CCDC47: variants seen among roughly 807,000 people sequenced by gnomAD.
CCDC47 encodes coiled-coil domain containing 47.
A neutral mutation model predicts 60.5 loss-of-function variants in CCDC47; 41 were observed. That is an observed-to-expected ratio of 0.68 (90% CI 0.53 to 0.88). CCDC47 has a LOEUF of 0.88. Among genes scored for constraint, CCDC47 ranks in the 40% least tolerant of loss-of-function variants. CCDC47 has a pLI of 0.00. For synonymous variants in CCDC47, 195 were observed against 190.7 expected (o/e 1.02, Z -0.18); for missense variants, 513 against 580.9 (o/e 0.88, Z 1.20).
rs1208003388 is a variant in CCDC47 at position 63,764,969 on chromosome 17, T to C, written c.265-122A>G. 2.8e-6 allele frequency: 4 copies of C among 1,448,602 alleles called. No individual in the cohort carries two copies. In the African/African-American group the frequency reaches 4.3e-5, roughly 16 times the overall value. The allele number at this position is 1,448,602 out of a possible 1,614,324, so 89.7% of individuals were successfully genotyped here. ...GTAAGCAGCAAGCACAGAAAACAGA[T>C]GTTACATGTTTTTAACAAAACGATT... On this transcript the variant is annotated intron_variant, in intron 2 of 12. Transcript: ENST00000225726.
chr17:63,771,613 A>G (rs62077509), intron 1 of CCDC47, among the ~76,000 whole-genome samples: 48,880 of 151,904 alleles, frequency 0.32, 8,587 homozygotes, highest in South Asian at 0.58. Flanking sequence ...TGGAATGTAT[A>G]TTTTCCACTT....
chr17:63,772,466 G>A (rs1340406827), intron 1 of CCDC47, among the ~76,000 whole-genome samples: 3 of 152,032 alleles, frequency 2.0e-5, no homozygotes, highest in Non-Finnish European at 4.4e-5. Context: ...TGTTAGCCAG[G>A]ATGGTCTCGA....
At chr17:63,755,188 A>C (rs1465805543) in intron 8 of CCDC47, 5 of 521,212 alleles carry the variant, frequency 9.6e-6, no homozygotes, top group Non-Finnish European at 1.2e-5. Context: ...GCTAGTCCTG[A>C]ATCCCTGGAC....
rs112254680 is a variant in CCDC47, at chr17:63,756,680, T to A, written c.736-110A>T. The A allele has an allele frequency of 5.7e-3, 3,970 of 697,470 alleles. 103 individuals are homozygous for A. Among genetic ancestry groups the A allele is most frequent in the African/African-American group, 0.056 (3,144 of 55,756 alleles). The allele number at this position is 697,470 out of a possible 1,614,324, so 43.2% of individuals were successfully genotyped here. On this transcript the variant is annotated intron_variant, in intron 6 of 12. Transcript: ENST00000225726. ...CCCCGCTGGTGCATATACTCTCCCT[T>A]TAAGTGATTGGGATTTGCAAATATG... is the stretch of plus-strand genomic sequence containing the variant.
chr17:63,764,451 A>C (rs1027561003), intron 3 of CCDC47, among the ~76,000 whole-genome samples: 1 of 152,216 alleles, frequency 6.6e-6, no homozygotes, highest in African/African-American at 2.4e-5. Flanking sequence ...CTTAACCCCC[A>C]AATAAATTCA....
chr17:63,752,475 ATAT>A, intron 10 of CCDC47, 46 bp from the exon 11 acceptor site: 1 of 1,289,916 alleles, frequency 7.8e-7, no homozygotes, highest in Non-Finnish European at 1.1e-6. Flanking sequence ...GGTAGCATTA[ATAT>A]TTCCAGGTCA....
intron 3 of CCDC47, 43 bp from the exon 4 acceptor site, chr17:63,764,233 A>C (rs761356293): frequency 2.1e-6 from 3 of 1,435,814 alleles, no homozygotes. Context: ...GCTGAGACTG[A>C]AGAATGAAAT....
intron 12 of CCDC47, among the ~76,000 whole-genome samples, chr17:63,748,978 C>T (rs932573594): frequency 6.9e-6 from 1 of 145,138 alleles, no homozygotes; most frequent in Admixed American, 7.0e-5. Flanking sequence ...TGTGCCACTG[C>T]ATTCCAGCCT....
chr17:63,756,921 T>G (rs1479556854), intron 6 of CCDC47, among the ~76,000 whole-genome samples: 1 of 152,006 alleles, frequency 6.6e-6, no homozygotes, highest in Non-Finnish European at 1.5e-5. Flanking sequence ...GACCTAAGGG[T>G]GGCCTTTAGG....
chr17:63,748,013 C>T (rs2039133342), intron 12 of CCDC47, among the ~76,000 whole-genome samples: 1 of 151,322 alleles, frequency 6.6e-6, no homozygotes, highest in Non-Finnish European at 1.5e-5. Context: ...TGCCACCACA[C>T]CCAGCTGATT....
At chr17:63,765,766 C>A in intron 2 of CCDC47, 146 bp downstream of exon 2, 1 of 1,393,122 alleles carries the variant, frequency 7.2e-7, no homozygotes, top group Non-Finnish European at 9.5e-7. Flanking sequence ...GGAAACTTAC[C>A]ACAGAACATT....
rs76007440 is a variant in CCDC47, at chr17:63,747,797, A to C, written c.1372-836T>G. Reference sequence around the variant, plus strand: ...ATAGTTCTTCATAGTGCAACAAATTAGGTTTCAAAGGGTGATTTGTAAATT... The same window carrying C: ...ATAGTTCTTCATAGTGCAACAAATTCGGTTTCAAAGGGTGATTTGTAAATT... On this transcript the variant is annotated intron_variant, in intron 12 of 12. Coordinates refer to ENST00000225726, the MANE Select transcript of CCDC47 (RefSeq NM_020198.3). 2.3e-3 allele frequency: 2,245 copies of C among 985,136 alleles called. 36 individuals are homozygous for C. The African/African-American group carries it at 0.034, about 15-fold the overall frequency. The allele number at this position is 985,136 out of a possible 1,614,324, so 61.0% of individuals were successfully genotyped here. A position where few individuals can be genotyped will look rare whatever the true frequency, so the allele number is the denominator to read the frequency against.
chr17:63,758,144 A>G (rs994927276), intron 6 of CCDC47, among the ~76,000 whole-genome samples: 1 of 152,202 alleles, frequency 6.6e-6, no homozygotes, highest in Non-Finnish European at 1.5e-5. Flanking sequence ...CCTGAGTTTT[A>G]TCCCTTATAA....
In CCDC47 at chr17:63,746,694, C is replaced by A; in HGVS notation, c.*187G>T. The A allele has an allele frequency of 2.2e-6, 1 of 451,270 alleles. No individual in the cohort carries two copies. The highest frequency in any genetic ancestry group is 4.0e-6 in the Non-Finnish European group (1 of 250,990). 28.0% of individuals were successfully genotyped at this position (451,270 alleles called of 1,614,324 possible). On this transcript the variant is annotated 3_prime_UTR_variant, in exon 13 of 13. Transcript: ENST00000225726. Reference sequence around the variant, plus strand: ...GGAAAAAAAAATTCTTGAAACAGAGCCCTTTCCAGGTATCTTCAATCTCTG... The same window carrying A: ...GGAAAAAAAAATTCTTGAAACAGAGACCTTTCCAGGTATCTTCAATCTCTG...
intron 12 of CCDC47, among the ~76,000 whole-genome samples, chr17:63,748,580 T>TTCCCAGCACTATCTA (rs2039138001): frequency 6.6e-6 from 1 of 152,148 alleles, no homozygotes; most frequent in African/African-American, 2.4e-5. Context: ...ATTCACTCTT[T>TTCCCAGCACTATCTA]TCCCAGCACT....
Position 63,751,333 on chromosome 17 carries a change from T to C in CCDC47, c.1371+607A>G, listed in dbSNP as rs1003442397. 3.1e-4 allele frequency among the ~76,000 whole-genome samples: 35 copies of C among 112,566 alleles called. 1 individual carries two copies. The highest frequency in any genetic ancestry group is 8.8e-3 in the Middle Eastern group (1 of 114). The allele number at this position is 112,566 out of a possible 152,430, so 73.8% of individuals were successfully genotyped here. A position where few individuals can be genotyped will look rare whatever the true frequency, so the allele number is the denominator to read the frequency against. On this transcript the variant is annotated intron_variant, in intron 12 of 12. Coordinates refer to ENST00000225726, the MANE Select transcript of CCDC47 (RefSeq NM_020198.3). ...CTGAGCCAATATTGCGCCATTGCAC[T>C]CCAGCCTGGGTGACAGAGTGAGACT...
chr17:63,749,640 T>C (rs576610596), intron 12 of CCDC47, among the ~76,000 whole-genome samples: 2 of 150,552 alleles, frequency 1.3e-5, no homozygotes, highest in African/African-American at 4.9e-5. Flanking sequence ...TCCCAGCTAC[T>C]AGGGAGGCTG....
intron 4 of CCDC47, chr17:63,762,293 A>T (rs1433778966): frequency 4.1e-6 from 4 of 971,430 alleles, no homozygotes; most frequent in Non-Finnish European, 3.7e-6. Flanking sequence ...CTGCTCATTT[A>T]TTTTTTTTCG....
At chr17:63,759,851 G>A (rs554701191) in intron 6 of CCDC47, among the ~76,000 whole-genome samples, 1 of 151,284 alleles carries the variant, frequency 6.6e-6, no homozygotes, top group South Asian at 2.1e-4. Context: ...GGATCACGAG[G>A]TCAGGAGATC....
Sources: gnomAD v4.1 joint callset for allele counts (sites outside exome capture counted in the v4.1 genomes callset) on GRCh38, gnomAD v4.1.1 for gene constraint, MANE v1.5 for transcripts, NCBI Gene and HGNC (gene_info 2026-07-23, HGNC 2026-07-21) for gene names.